The following ADGRV1 variants were observed in gnomAD, a reference collection of about 807,000 sequenced individuals.
ADGRV1 encodes G-protein coupled receptor 98.
Under a neutral mutation model 596.2 loss-of-function variants are expected in ADGRV1, and 359 were observed. That is an observed-to-expected ratio of 0.60 (90% CI 0.55 to 0.66). The LOEUF is 0.66. Ranked by LOEUF, ADGRV1 falls within the 30% of genes least tolerant of loss-of-function variation. The pLI, the probability that ADGRV1 is intolerant of heterozygous loss-of-function variation, is 0.00. For missense variants in ADGRV1, 7,274 were observed against 7,575.6 expected, an observed-to-expected ratio of 0.96 and a Z score of 1.48; for synonymous variants, 2,681 against 2,679.2, an observed-to-expected ratio of 1.00 and a Z score of -0.02.
intron 84 of ADGRV1, among the ~76,000 whole-genome samples, chr5:90,969,001 T>C (rs1778718149): frequency 6.6e-6 from 1 of 152,188 alleles, no homozygotes; most frequent in African/African-American, 2.4e-5. Context: ...TACATTGAAA[T>C]GACTTTATCT....
intron 87 of ADGRV1, among the ~76,000 whole-genome samples, chr5:91,132,882 A>T (rs1186583668): frequency 6.6e-6 from 1 of 152,244 alleles, no homozygotes; most frequent in Non-Finnish European, 1.5e-5. Context: ...AGGAGGGGTA[A>T]TGATGACCTT....
intron 89 of ADGRV1, among the ~76,000 whole-genome samples, chr5:91,159,179 G>T (rs1473089270): frequency 6.6e-6 from 1 of 152,076 alleles, no homozygotes; most frequent in Non-Finnish European, 1.5e-5. Flanking sequence ...ATTATGTTAA[G>T]ATTAACCATG....
intron 50 of ADGRV1, among the ~76,000 whole-genome samples, chr5:90,736,494 T>A (rs757322948): frequency 6.6e-6 from 1 of 152,076 alleles, no homozygotes; most frequent in Non-Finnish European, 1.5e-5. Context: ...TAAAATGAAT[T>A]TGGAATTATC....
intron 1 of ADGRV1, among the ~76,000 whole-genome samples, chr5:90,577,196 C>T (rs1347674516): frequency 6.6e-6 from 1 of 152,166 alleles, no homozygotes; most frequent in Non-Finnish European, 1.5e-5. Flanking sequence ...CTTGCCCATG[C>T]CTATGTCCTG....
chr5:90,866,722 T>C (rs1768146727), intron 83 of ADGRV1, among the ~76,000 whole-genome samples: 1 of 152,088 alleles, frequency 6.6e-6, no homozygotes, highest in African/African-American at 2.4e-5. Flanking sequence ...GAATATATCT[T>C]TCTACTGCTT....
At chr5:90,745,839 A>G in intron 52 of ADGRV1, 44 bp downstream of exon 52, 1 of 1,122,000 alleles carries the variant, frequency 8.9e-7, no homozygotes, top group Non-Finnish European at 1.3e-6. Context: ...AAAATGTTTT[A>G]TTTATTGTAT....
chr5:91,055,016 A>G (rs976294191), intron 85 of ADGRV1, among the ~76,000 whole-genome samples: 4 of 152,324 alleles, frequency 2.6e-5, no homozygotes, highest in Admixed American at 1.3e-4. Flanking sequence ...TACTGTAGAC[A>G]GTTTTGAGTT....
chr5:90,831,414 TTTTA>T (rs1764518904), intron 77 of ADGRV1, among the ~76,000 whole-genome samples: 1 of 152,012 alleles, frequency 6.6e-6, no homozygotes, highest in Admixed American at 6.6e-5. Context: ...ATACCAGTAT[TTTTA>T]TTTTTTAATT....
intron 41 of ADGRV1, among the ~76,000 whole-genome samples, 160 bp from the exon 42 acceptor site, chr5:90,712,127 T>C (rs1382708019): frequency 6.6e-6 from 1 of 152,102 alleles, no homozygotes; most frequent in Non-Finnish European, 1.5e-5. Context: ...TGTTGCCAAT[T>C]TAAATAAAAA....
rs1285531366 is a variant in ADGRV1, at chr5:90,783,919, CATA to C, written c.13519_13521del (p.Ile4507del). 1 of 1,612,368 alleles carries C rather than the reference CATA, an allele frequency of 6.2e-7. No individual in the cohort carries two copies. Among genetic ancestry groups the C allele is most frequent in the Non-Finnish European group, 8.5e-7 (1 of 1,179,256 alleles). ...TTGGGCGCCACCTAGTGAGCAGAAT[CATA>C]ATAGCTAAGAGTGACTCTCCCTTTG... On this transcript the variant is annotated inframe_deletion, in exon 67 of 90. Coordinates refer to ENST00000405460, the MANE Select transcript of ADGRV1 (RefSeq NM_032119.4).
chr5:91,035,864 T>TATAAA (rs1562121863), intron 85 of ADGRV1, among the ~76,000 whole-genome samples: 21 of 68,268 alleles, frequency 3.1e-4, no homozygotes, highest in African/African-American at 9.2e-4. Flanking sequence ...ATATATATTA[T>TATAAA]ATATATATAT....
At chr5:90,702,248 C>T (rs1025757964) in intron 34 of ADGRV1, among the ~76,000 whole-genome samples, 1 of 151,890 alleles carries the variant, frequency 6.6e-6, no homozygotes, top group African/African-American at 2.4e-5. Flanking sequence ...CTAGCAATGG[C>T]TGACTATACA....
At chr5:90,921,462 C>A (rs1267007997) in intron 83 of ADGRV1, among the ~76,000 whole-genome samples, 1 of 152,162 alleles carries the variant, frequency 6.6e-6, no homozygotes, top group African/African-American at 2.4e-5. Flanking sequence ...AGATCCAGGA[C>A]TGTCTAAAAA....
At chr5:90,985,561 G>A in intron 85 of ADGRV1, 39 bp downstream of exon 85, 1 of 1,529,516 alleles carries the variant, frequency 6.5e-7, no homozygotes, top group Non-Finnish European at 9.0e-7. Flanking sequence ...TAGCTTTCAT[G>A]TACCTAAGCA....
At chr5:90,562,843 C>A (rs1314876839) in intron 1 of ADGRV1, among the ~76,000 whole-genome samples, 1 of 152,110 alleles carries the variant, frequency 6.6e-6, no homozygotes, top group Admixed American at 6.5e-5. Flanking sequence ...TGTATGCATT[C>A]GGATGTAATT....
chr5:90,913,273 A>T (rs1249294937), intron 83 of ADGRV1, among the ~76,000 whole-genome samples: 1 of 152,196 alleles, frequency 6.6e-6, no homozygotes, highest in Non-Finnish European at 1.5e-5. Flanking sequence ...ACCTCTTCCC[A>T]TAGCAGCAAT....
At position 90,658,009 on chromosome 5, in the gene ADGRV1, A is replaced by G. The variant is rs1261774600; in HGVS notation, c.4483A>G (p.Ile1495Val). Residue 1495 changes from isoleucine to valine, a missense_variant, in exon 21 of 90, where the codon ATT becomes GTT. Ile to Val is a conservative substitution (Grantham distance 29, BLOSUM62 3). Around this residue, in one of 5 missense-constraint regions of ADGRV1, gnomAD observed 3,643 missense variants for 3,809.2 expected, o/e 0.96. Transcript: ENST00000405460. Reference protein sequence around the residue: ...SYERKLTLEEIYELHAMPAKS... With the variant: ...SYERKLTLEEVYELHAMPAKS... ...TGAGCGGAAACTGACGCTTGAAGAA[A>G]TTTATGAACTTCATGCCATGCCCGC... 1.2e-6 allele frequency: 2 copies of G among 1,613,860 alleles called. No homozygotes were observed. The highest frequency in any genetic ancestry group is 3.3e-5 in the Admixed American group (2 of 60,002).
chr5:90,680,969 C>T (rs1744853089), intron 26 of ADGRV1, among the ~76,000 whole-genome samples: 1 of 152,116 alleles, frequency 6.6e-6, no homozygotes, highest in Non-Finnish European at 1.5e-5. Context: ...CATTTTGGCT[C>T]AAGTTCTTTT....
chr5:90,595,124 C>A (rs1404732625), intron 1 of ADGRV1, among the ~76,000 whole-genome samples: 5 of 129,480 alleles, frequency 3.9e-5, no homozygotes, highest in African/African-American at 6.4e-5. Context: ...CTGACCCCCC[C>A]ACCTCCCTCC....
Sources: gnomAD v4.1 joint callset for allele counts (sites outside exome capture counted in the v4.1 genomes callset) on GRCh38, gnomAD v4.1.1 for gene constraint, gnomAD v4.1.1 regional missense constraint, MANE v1.5 for transcripts, NCBI Gene and HGNC (gene_info 2026-07-23, HGNC 2026-07-21) for gene names.